Variants in CHD1 observed in about 807,000 individuals in gnomAD.
The protein encoded by CHD1 is chromodomain helicase DNA binding protein 1.
CHD1 carries 36 observed loss-of-function variants against 224.2 expected under a neutral mutation model. The observed-to-expected ratio is 0.16, with a 90% CI of 0.12 to 0.21. CHD1 has a LOEUF of 0.21. CHD1 is among the 10% of genes least tolerant of loss of function. The probability of loss-of-function intolerance (pLI) is 1.00; values close to 1 mark genes in which losing one functional copy is unlikely to be tolerated. For missense variants in CHD1, 1,378 were observed against 1,994.8 expected (o/e 0.69, Z 5.89); for synonymous variants, 668 against 658.3 (o/e 1.01, Z -0.23).
intron 2 of CHD1, among the ~76,000 whole-genome samples, chr5:98,916,545 C>CAA (rs33988135): frequency 0.015 from 575 of 37,508 alleles, 2 homozygotes; most frequent in East Asian, 0.019. Context: ...AACTCCGTCT[C>CAA]AAAAAAAAAA....
intron 24 of CHD1, among the ~76,000 whole-genome samples, chr5:98,876,021 GA>G (rs1326077587): frequency 6.6e-6 from 1 of 152,042 alleles, no homozygotes; most frequent in Non-Finnish European, 1.5e-5. Flanking sequence ...CTGTTGTTAA[GA>G]AACTAGAAAA....
At position 98,900,896 on chromosome 5, in the gene CHD1, G is replaced by C; in HGVS notation, c.774C>G (p.Val258=). ...MKTDSDDLLE[V]CGEDVPQPEE... ...CAGGTTGAGGAACATCCTCTCCACA[G>C]ACTTCCAGTAGGTCATCAGAATCTG... The change falls in exon 7 of 36, where the codon GTC becomes GTG. Residue 258 remains valine (V), a synonymous_variant. Transcript: ENST00000614616. The C allele has an allele frequency of 3.1e-6, 5 of 1,613,880 alleles. No homozygotes were observed. Among genetic ancestry groups the C allele is most frequent in the Non-Finnish European group, 4.2e-6 (5 of 1,179,804 alleles).
chr5:98,888,283 T>C (rs768504902), intron 16 of CHD1, 43 bp from the exon 17 acceptor site: 5 of 1,429,376 alleles, frequency 3.5e-6, no homozygotes, highest in East Asian at 4.8e-5. Flanking sequence ...AAGACATAAA[T>C]GGTAAGTTGT....
intron 18 of CHD1, among the ~76,000 whole-genome samples, chr5:98,884,170 T>A (rs2112419405): frequency 6.7e-6 from 1 of 149,442 alleles, no homozygotes; most frequent in Non-Finnish European, 1.5e-5. Flanking sequence ...GCCTCCCGGG[T>A]TCACACCATT....
chr5:98,879,775 T>A, intron 22 of CHD1, 47 bp from the exon 23 acceptor site: 1 of 1,363,898 alleles, frequency 7.3e-7, no homozygotes, highest in South Asian at 1.3e-5. Flanking sequence ...GAAAAATTGA[T>A]CCCTAAAAGT....
chr5:98,867,785 T>C (rs1006522017), intron 31 of CHD1, among the ~76,000 whole-genome samples: 4 of 149,994 alleles, frequency 2.7e-5, no homozygotes, highest in African/African-American at 7.3e-5. Context: ...GGCCTCCTTT[T>C]ATCTTCCTTG....
At chr5:98,869,531 C>T in intron 30 of CHD1, 1 of 494,642 alleles carries the variant, frequency 2.0e-6, no homozygotes, top group Non-Finnish European at 3.5e-6. Context: ...TGCTCTATGC[C>T]TCTAGTGCTA....
At chr5:98,909,889 A>C (rs910205494) in intron 2 of CHD1, among the ~76,000 whole-genome samples, 3 of 152,126 alleles carry the variant, frequency 2.0e-5, no homozygotes, top group African/African-American at 7.2e-5. Flanking sequence ...TTAGCTCTTA[A>C]GTCCTTCTGA....
intron 29 of CHD1, among the ~76,000 whole-genome samples, chr5:98,870,300 T>G (rs1378788821): frequency 6.6e-6 from 1 of 152,156 alleles, no homozygotes; most frequent in Non-Finnish European, 1.5e-5. Context: ...GGTGTCTTTT[T>G]CCTTCTTTTT....
intron 32 of CHD1, among the ~76,000 whole-genome samples, chr5:98,862,245 C>G (rs1009715480): frequency 2.6e-5 from 4 of 152,190 alleles, no homozygotes; most frequent in African/African-American, 9.7e-5. Flanking sequence ...TTCCCCATCT[C>G]CCCCTTAAGG....
intron 2 of CHD1, among the ~76,000 whole-genome samples, chr5:98,905,801 TC>T (rs1311373901): frequency 7.2e-5 from 11 of 152,162 alleles, no homozygotes; most frequent in Non-Finnish European, 1.6e-4. Flanking sequence ...TCATAAACTA[TC>T]CTTTTTTCCA....
At chr5:98,869,584 G>A in intron 30 of CHD1, 170 bp downstream of exon 30, 1 of 653,760 alleles carries the variant, frequency 1.5e-6, no homozygotes, top group East Asian at 2.9e-5. Flanking sequence ...CTATAATTGA[G>A]ACTGTTATGA....
intron 2 of CHD1, among the ~76,000 whole-genome samples, chr5:98,912,650 G>A (rs938305179): frequency 6.6e-6 from 1 of 151,952 alleles, no homozygotes; most frequent in Non-Finnish European, 1.5e-5. Flanking sequence ...CATCCCGAGC[G>A]ACAAGGCAAG....
In CHD1 at chr5:98,926,325, C is replaced by T. The variant is rs1753455445; in HGVS notation, c.53+9G>A. On this transcript the variant is annotated intron_variant, in intron 2 of 35. Coordinates refer to ENST00000614616, the MANE Select transcript of CHD1 (RefSeq NM_001270.4). ...ATAGTAAACAATTGATAACAAAGTGCTTACTTACCTTGATTCTCCACTACT... is the reference window on the plus strand; with the variant it reads ...ATAGTAAACAATTGATAACAAAGTGTTTACTTACCTTGATTCTCCACTACT... 6.7e-7 allele frequency: 1 copy of T among 1,490,062 alleles called. No homozygotes were observed. The highest frequency in any genetic ancestry group is 9.1e-7 in the Non-Finnish European group (1 of 1,102,946). The allele number at this position is 1,490,062 out of a possible 1,614,324, so 92.3% of individuals were successfully genotyped here. A position where few individuals can be genotyped will look rare whatever the true frequency, so the allele number is the denominator to read the frequency against.
intron 30 of CHD1, 128 bp from the exon 31 acceptor site, chr5:98,868,763 T>C: frequency 1.1e-6 from 1 of 896,540 alleles, no homozygotes; most frequent in Non-Finnish European, 1.6e-6. Flanking sequence ...TTGAATATCC[T>C]CATCTATTTT....
Position 98,869,740 on chromosome 5 carries a change from A to T in CHD1, c.4107+14T>A. The stretch of plus-strand genomic sequence containing the variant: ...TTCCATAGAAAAGGTTGTTGTTCTA[A>T]AACACATTCTTACTTTATCATCATC... On this transcript the variant is annotated intron_variant, in intron 30 of 35. Coordinates refer to ENST00000614616, the MANE Select transcript of CHD1 (RefSeq NM_001270.4). 1.9e-6 allele frequency: 3 copies of T among 1,612,298 alleles called. No homozygotes were observed. Among genetic ancestry groups the T allele is most frequent in the Non-Finnish European group, 2.5e-6 (3 of 1,179,234 alleles).
At chr5:98,915,378 T>C (rs1210274828) in intron 2 of CHD1, among the ~76,000 whole-genome samples, 9 of 152,172 alleles carry the variant, frequency 5.9e-5, no homozygotes, top group Admixed American at 5.9e-4. Flanking sequence ...CTGAAGAAAT[T>C]TAAAACTGTT....
intron 12 of CHD1, among the ~76,000 whole-genome samples, chr5:98,895,896 A>G (rs542579559): frequency 2.0e-4 from 31 of 152,142 alleles, no homozygotes; most frequent in Non-Finnish European, 3.7e-4. Context: ...ATACAGACCA[A>G]AACAAAACAA....
At chr5:98,913,177 G>A (rs1010950740) in intron 2 of CHD1, among the ~76,000 whole-genome samples, 1 of 152,010 alleles carries the variant, frequency 6.6e-6, no homozygotes, top group African/African-American at 2.4e-5. Context: ...AATGTCATTC[G>A]AAAGAGCTTC....
Sources: gnomAD v4.1 joint callset for allele counts (sites outside exome capture counted in the v4.1 genomes callset) on GRCh38, gnomAD v4.1.1 for gene constraint, MANE v1.5 for transcripts, NCBI Gene and HGNC (gene_info 2026-07-23, HGNC 2026-07-21) for gene names.